CRTAC1: variants seen among roughly 807,000 people sequenced by gnomAD.
The protein encoded by CRTAC1 is cartilage acidic protein 1, also known as acidic secreted protein in cartilage.
In CRTAC1, 37 loss-of-function variants were observed where a neutral mutation model predicts 67.8. The observed-to-expected ratio is 0.55, with a 90% CI of 0.42 to 0.72. CRTAC1 has a LOEUF of 0.72. CRTAC1 is among the 30% of genes least tolerant of loss of function. The probability of loss-of-function intolerance (pLI) is 0.00; values close to 1 mark genes in which losing one functional copy is unlikely to be tolerated. For missense variants in CRTAC1, 780 were observed against 931.6 expected, an observed-to-expected ratio of 0.84 and a Z score of 2.12; for synonymous variants, 348 against 371.0, an observed-to-expected ratio of 0.94 and a Z score of 0.71.
At chr10:97,901,808 C>T (rs2050545923) in intron 7 of CRTAC1, among the ~76,000 whole-genome samples, 169 bp from the exon 8 acceptor site, 1 of 152,202 alleles carries the variant, frequency 6.6e-6, no homozygotes, top group South Asian at 2.1e-4. Flanking sequence ...ACCACACAGA[C>T]CTCAGGCTGC....
In CRTAC1 at chr10:97,895,174, CG is replaced by C; in HGVS notation, c.1486+70del. 2.0e-6 allele frequency: 3 copies of C among 1,477,584 alleles called. No homozygotes were observed. Among genetic ancestry groups the C allele is most frequent in the African/African-American group, 2.8e-5 (2 of 72,462 alleles). The allele number at this position is 1,477,584 out of a possible 1,614,324, so 91.5% of individuals were successfully genotyped here. A position where few individuals can be genotyped will look rare whatever the true frequency, so the allele number is the denominator to read the frequency against. ...GAGCGGAGCGGTGCCCAAGGATGCT[CG>C]GGCTGTGAGTCCCTGAATCAGTCAG... On this transcript the variant is annotated intron_variant, in intron 11 of 14. Coordinates refer to ENST00000370597, the MANE Select transcript of CRTAC1 (RefSeq NM_018058.7). The surrounding 1 kb of genome is among the most constrained non-coding windows in gnomAD (Gnocchi z 4.2).
chr10:97,953,409 T>C (rs903486003), intron 2 of CRTAC1, among the ~76,000 whole-genome samples: 4 of 152,126 alleles, frequency 2.6e-5, no homozygotes, highest in Admixed American at 1.3e-4. Context: ...CAAGGTGTGA[T>C]AGCAGCCCAG....
intron 14 of CRTAC1, chr10:97,866,051 G>A (rs1336212330): frequency 3.7e-5 from 11 of 300,128 alleles, no homozygotes; most frequent in Non-Finnish European, 6.2e-5. Context: ...TGCGAGGGGG[G>A]CCGAGGCCTG....
At chr10:97,999,660 G>A (rs1238775131) in intron 2 of CRTAC1, among the ~76,000 whole-genome samples, 6 of 152,240 alleles carry the variant, frequency 3.9e-5, no homozygotes, top group Non-Finnish European at 8.8e-5. Flanking sequence ...TTAGGGCAGG[G>A]AGGGCCTGAC....
chr10:97,901,382 ACCTTGGCCTGACCCC>A (rs2050538043), intron 8 of CRTAC1, 106 bp downstream of exon 8: 1 of 1,179,836 alleles, frequency 8.5e-7, no homozygotes, highest in Non-Finnish European at 1.2e-6. Context: ...ACCTGTGTTG[ACCTTGGCCTGACCCC>A]CTGGCCCTGG....
At chr10:97,956,361 G>A (rs753787684) in intron 2 of CRTAC1, among the ~76,000 whole-genome samples, 8 of 152,194 alleles carry the variant, frequency 5.3e-5, no homozygotes, top group Non-Finnish European at 1.5e-5. Context: ...AAAGGTCACT[G>A]AGTTACAAAG....
chr10:97,942,372 G>A (rs2051188493), intron 2 of CRTAC1, among the ~76,000 whole-genome samples: 1 of 152,140 alleles, frequency 6.6e-6, no homozygotes, highest in Non-Finnish European at 1.5e-5. Context: ...CCAATCCCTT[G>A]TTTGTTCTTG....
At chr10:97,978,228 C>T (rs1376754319) in intron 2 of CRTAC1, among the ~76,000 whole-genome samples, 1 of 152,190 alleles carries the variant, frequency 6.6e-6, no homozygotes, top group African/African-American at 2.4e-5. Flanking sequence ...GGCTCCACTC[C>T]TAGACCTAGC....
chr10:97,925,506 T>A (rs1312161406), intron 3 of CRTAC1, among the ~76,000 whole-genome samples: 4 of 149,714 alleles, frequency 2.7e-5, no homozygotes, highest in African/African-American at 9.9e-5. Context: ...AGTGAGAATG[T>A]GGGCATCAGT....
chr10:97,979,236 T>G (rs1480188316), intron 2 of CRTAC1, among the ~76,000 whole-genome samples: 1 of 152,266 alleles, frequency 6.6e-6, no homozygotes, highest in South Asian at 2.1e-4. Context: ...GCGTGGTCCT[T>G]GAAGGGTGGT....
At chr10:97,948,844 G>A (rs1487058971) in intron 2 of CRTAC1, among the ~76,000 whole-genome samples, 1 of 152,194 alleles carries the variant, frequency 6.6e-6, no homozygotes, top group East Asian at 1.9e-4. Context: ...TGGAGGAAGG[G>A]GAAGCAAACA....
chr10:97,940,367 A>C (rs1186241109), intron 2 of CRTAC1, among the ~76,000 whole-genome samples: 1 of 152,256 alleles, frequency 6.6e-6, no homozygotes. Context: ...ATTTCTGAGC[A>C]CTTCTAGAAA....
chr10:97,890,793 G>A (rs577155262), intron 11 of CRTAC1, among the ~76,000 whole-genome samples: 26 of 151,426 alleles, frequency 1.7e-4, no homozygotes, highest in Admixed American at 1.3e-3. Context: ...TCAGCCTCCC[G>A]AGTAGCTGGG....
chr10:98,014,121 A>C (rs1486533357), intron 1 of CRTAC1, among the ~76,000 whole-genome samples: 1 of 152,156 alleles, frequency 6.6e-6, no homozygotes, highest in Non-Finnish European at 1.5e-5. Context: ...TGTAAATATA[A>C]TATTTACCCT....
chr10:97,938,926 C>A (rs2051130178), intron 2 of CRTAC1, among the ~76,000 whole-genome samples: 1 of 152,226 alleles, frequency 6.6e-6, no homozygotes, highest in African/African-American at 2.4e-5. Context: ...TTTTATGCAT[C>A]ACGTTCCACA....
intron 6 of CRTAC1, among the ~76,000 whole-genome samples, chr10:97,906,381 G>A (rs1280703561): frequency 6.6e-6 from 1 of 152,182 alleles, no homozygotes; most frequent in Non-Finnish European, 1.5e-5. Context: ...AATAATCGGT[G>A]CCAGGCTGCA....
At chr10:97,938,941 G>A (rs2051130406) in intron 2 of CRTAC1, among the ~76,000 whole-genome samples, 3 of 152,208 alleles carry the variant, frequency 2.0e-5, no homozygotes, top group Admixed American at 2.0e-4. Flanking sequence ...TCCACAGTAT[G>A]TTGTTTGAAC....
chr10:97,867,179 G>A (rs1053648324), intron 14 of CRTAC1: 4 of 152,156 alleles, frequency 2.6e-5, no homozygotes, highest in Non-Finnish European at 5.9e-5. Flanking sequence ...TGTAGGTGAG[G>A]TTTCCATGGA....
At chr10:98,000,302 C>A (rs1217673060) in intron 2 of CRTAC1, among the ~76,000 whole-genome samples, 3 of 152,200 alleles carry the variant, frequency 2.0e-5, no homozygotes, top group African/African-American at 4.8e-5. Context: ...CCTCGAGCCA[C>A]GGCTGTGACT....
Sources: allele counts gnomAD v4.1 joint callset (sites outside exome capture counted in the v4.1 genomes callset), GRCh38; gene constraint gnomAD v4.1.1; non-coding constraint Gnocchi (gnomAD v3.1); transcripts MANE v1.5; gene names NCBI Gene and HGNC (gene_info 2026-07-23, HGNC 2026-07-21).